Variants in RANBP17 observed in about 807,000 individuals in gnomAD.
The protein encoded by RANBP17 is ran-binding protein 17.
Under a neutral mutation model 141.2 loss-of-function variants are expected in RANBP17, and 158 were observed. That is an observed-to-expected ratio of 1.12 (90% CI 0.98 to 1.28). The LOEUF is 1.28. Among genes scored for constraint, RANBP17 ranks in the 50% most tolerant of loss-of-function variants. The pLI is 0.00. For missense variants in RANBP17, 1,438 were observed against 1,290.7 expected (o/e 1.11, Z -1.75); for synonymous variants, 430 against 450.0 (o/e 0.96, Z 0.56).
chr5:170,925,651 T>C (rs1471875482), intron 12 of RANBP17, among the ~76,000 whole-genome samples: 2 of 152,166 alleles, frequency 1.3e-5, no homozygotes, highest in Admixed American at 1.3e-4. Flanking sequence ...TCTGTCCTCT[T>C]TCCTATCAAC....
intron 14 of RANBP17, among the ~76,000 whole-genome samples, chr5:171,006,548 A>G (rs1484814459): frequency 6.6e-6 from 1 of 152,128 alleles, no homozygotes; most frequent in Non-Finnish European, 1.5e-5. Flanking sequence ...TTGAACAATG[A>G]GAACACATGG....
intron 25 of RANBP17, among the ~76,000 whole-genome samples, 171 bp downstream of exon 25, chr5:171,266,018 C>T (rs1307700665): frequency 6.6e-6 from 1 of 152,032 alleles, no homozygotes; most frequent in Non-Finnish European, 1.5e-5. Flanking sequence ...AAAACACAGG[C>T]CTTAGGATTA....
At chr5:171,104,993 A>G (rs1336122534) in intron 14 of RANBP17, among the ~76,000 whole-genome samples, 1 of 152,178 alleles carries the variant, frequency 6.6e-6, no homozygotes, top group African/African-American at 2.4e-5. Context: ...GATGGCCTTT[A>G]TTACATATTG....
chr5:171,058,006 A>C (rs1346126479), intron 14 of RANBP17, among the ~76,000 whole-genome samples: 3 of 152,062 alleles, frequency 2.0e-5, no homozygotes, highest in African/African-American at 4.8e-5. Flanking sequence ...TTTTAGATAA[A>C]TTCATACAGG....
At position 171,092,714 on chromosome 5, in the gene RANBP17, A is replaced by G. The variant is rs149492932; in HGVS notation, c.1711-77416A>G. Among the ~76,000 whole-genome samples the G allele has an allele frequency of 3.4e-3, 520 of 152,330 alleles. 2 individuals carry two copies. The highest frequency in any genetic ancestry group is 0.012 in the African/African-American group (483 of 41,580). ...ATCTTTTTCATATGATAGTGACATG[A>G]TCATTCTGATGAAGTCCTTCCAGCT... On this transcript the variant is annotated intron_variant, in intron 14 of 27. Transcript: ENST00000523189.
intron 13 of RANBP17, among the ~76,000 whole-genome samples, chr5:170,958,329 T>A (rs1248332590): frequency 7.9e-5 from 12 of 152,178 alleles, no homozygotes; most frequent in Admixed American, 7.9e-4. Context: ...GTGGTTTGTC[T>A]CTCTTTTCTG....
Position 171,273,415 on chromosome 5 carries a change from G to A in RANBP17, c.2943+7568G>A, listed in dbSNP as rs191750475. ...GTGTCACAAACTAAGATGCCTGTAG[G>A]GCCAAGAAGCAGAAAACCTGAATGA... On this transcript the variant is annotated intron_variant, in intron 25 of 27. Coordinates refer to ENST00000523189, the MANE Select transcript of RANBP17 (RefSeq NM_022897.5). 2.0e-5 allele frequency among the ~76,000 whole-genome samples: 3 copies of A among 152,180 alleles called. No individual in the cohort carries two copies. The East Asian group carries it at 5.8e-4, about 29-fold the overall frequency.
chr5:171,277,637 GTATATATATATATA>G (rs70982330), intron 25 of RANBP17, among the ~76,000 whole-genome samples: 13 of 56,904 alleles, frequency 2.3e-4, no homozygotes, highest in East Asian at 8.7e-4. Context: ...ATATATGTAT[GTATATATATATATA>G]TATATATATA....
chr5:171,054,699 G>A (rs1352060134), intron 14 of RANBP17, among the ~76,000 whole-genome samples: 3 of 152,232 alleles, frequency 2.0e-5, no homozygotes, highest in South Asian at 4.2e-4. Context: ...TCCTGGGAAT[G>A]CAGCCCAGTA....
intron 14 of RANBP17, among the ~76,000 whole-genome samples, chr5:170,998,658 T>G (rs1223975882): frequency 6.6e-6 from 1 of 152,168 alleles, no homozygotes; most frequent in Non-Finnish European, 1.5e-5. Context: ...GACTAGTCTG[T>G]TTTACTGTGC....
chr5:170,956,112 C>T (rs914628564), intron 13 of RANBP17, among the ~76,000 whole-genome samples: 1 of 150,836 alleles, frequency 6.6e-6, no homozygotes, highest in African/African-American at 2.4e-5. Context: ...ATGTTTTTTC[C>T]AAATTTTCCA....
chr5:171,221,956 C>A, intron 22 of RANBP17, 116 bp downstream of exon 22: 1 of 696,424 alleles, frequency 1.4e-6, no homozygotes, highest in Non-Finnish European at 2.4e-6. Context: ...TTTGTGAAGT[C>A]GGTAATACAA....
At chr5:171,282,715 G>A (rs1287563677) in intron 25 of RANBP17, among the ~76,000 whole-genome samples, 1 of 151,870 alleles carries the variant, frequency 6.6e-6, no homozygotes, top group Non-Finnish European at 1.5e-5. Flanking sequence ...CCTGACCTCA[G>A]GTGACCCACC....
At chr5:171,192,747 C>G (rs886672619) in intron 18 of RANBP17, among the ~76,000 whole-genome samples, 3 of 151,088 alleles carry the variant, frequency 2.0e-5, no homozygotes, top group Non-Finnish European at 4.4e-5. Context: ...AAGTTTGGCT[C>G]TCTTAATGCC....
chr5:171,035,729 CTTTTTTTGTTTT>C (rs1364790445), intron 14 of RANBP17, among the ~76,000 whole-genome samples: 1 of 72,396 alleles, frequency 1.4e-5, no homozygotes, highest in East Asian at 4.4e-4. Flanking sequence ...CTGTTTGTTT[CTTTTTTTGTTTT>C]TTTTTTTTTT....
At chr5:171,087,393 C>G (rs1052307116) in intron 14 of RANBP17, among the ~76,000 whole-genome samples, 73 of 152,058 alleles carry the variant, frequency 4.8e-4, no homozygotes, top group African/African-American at 8.7e-4. Context: ...GCTATGTGGT[C>G]AATTTTGGAA....
intron 14 of RANBP17, among the ~76,000 whole-genome samples, chr5:171,008,955 T>A (rs899074874): frequency 1.2e-4 from 19 of 152,236 alleles, no homozygotes; most frequent in Admixed American, 1.1e-3. Flanking sequence ...TTTTCTATAG[T>A]GCTCCTTTTC....
intron 24 of RANBP17, chr5:171,243,043 C>A (rs1219533324): frequency 2.1e-5 from 11 of 521,920 alleles, no homozygotes; most frequent in Non-Finnish European, 3.4e-5. Context: ...AATTTACATA[C>A]AATAAAATTC....
chr5:170,939,728 G>A (rs1420592122), intron 12 of RANBP17, among the ~76,000 whole-genome samples: 1 of 152,032 alleles, frequency 6.6e-6, no homozygotes, highest in East Asian at 1.9e-4. Context: ...TACAAAATAA[G>A]GATTATGTGT....
Sources: allele counts gnomAD v4.1 joint callset (sites outside exome capture counted in the v4.1 genomes callset), GRCh38; gene constraint gnomAD v4.1.1; transcripts MANE v1.5; gene names NCBI Gene and HGNC (gene_info 2026-07-23, HGNC 2026-07-21).